The following CAMK4 variants were observed in gnomAD, a reference collection of about 807,000 sequenced individuals.
CAMK4 encodes calcium/calmodulin-dependent protein kinase type IV.
Under a neutral mutation model 44.9 loss-of-function variants are expected in CAMK4, and 22 were observed. That is an observed-to-expected ratio of 0.49 (90% CI 0.35 to 0.70). The LOEUF (loss-of-function observed/expected upper bound fraction) is 0.70, where lower values mean the gene tolerates loss of function less well. Ranked by LOEUF, CAMK4 falls within the 30% of genes least tolerant of loss-of-function variation. CAMK4 has a pLI of 0.01. For synonymous variants in CAMK4, 218 were observed against 215.4 expected (o/e 1.01, Z -0.11); for missense variants, 498 against 586.8 (o/e 0.85, Z 1.56).
intron 4 of CAMK4, among the ~76,000 whole-genome samples, chr5:111,386,488 C>A (rs886555564): frequency 1.3e-5 from 2 of 152,154 alleles, no homozygotes; most frequent in African/African-American, 4.8e-5. Flanking sequence ...AAGTCTGGGG[C>A]CTCAGGATAT....
At chr5:111,450,865 A>C (rs973097712) in intron 7 of CAMK4, among the ~76,000 whole-genome samples, 12 of 152,002 alleles carry the variant, frequency 7.9e-5, no homozygotes, top group Admixed American at 2.0e-4. Context: ...GTATGTATCG[A>C]AAGCCACCAT....
chr5:111,277,061 G>A (rs866399498), intron 1 of CAMK4, among the ~76,000 whole-genome samples: 7 of 152,136 alleles, frequency 4.6e-5, no homozygotes, highest in Non-Finnish European at 1.0e-4. Context: ...TTCTCAGGAG[G>A]TGTGTCCACA....
intron 5 of CAMK4, among the ~76,000 whole-genome samples, chr5:111,397,693 T>TGTGTGTGTGTGTG (rs1580699606): frequency 9.2e-6 from 1 of 109,242 alleles, no homozygotes; most frequent in Non-Finnish European, 1.9e-5. Context: ...GTGTGTGTGT[T>TGTGTGTGTGTGTG]TGCAGTTTAC....
At chr5:111,333,276 T>A (rs141263105) in intron 1 of CAMK4, among the ~76,000 whole-genome samples, 265 of 151,628 alleles carry the variant, frequency 1.7e-3, no homozygotes, top group African/African-American at 6.1e-3. Flanking sequence ...AAATGGTTGA[T>A]CAAAAATTCA....
chr5:111,232,192 C>T (rs1257736667), intron 1 of CAMK4, among the ~76,000 whole-genome samples: 1 of 152,048 alleles, frequency 6.6e-6, no homozygotes, highest in African/African-American at 2.4e-5. Context: ...CATGATAAAT[C>T]AATATTTGGC....
In CAMK4 at chr5:111,287,081, T is replaced by G. The variant is rs964166464; in HGVS notation, c.162-56943T>G. 5.3e-5 allele frequency among the ~76,000 whole-genome samples: 8 copies of G among 152,206 alleles called. 1 individual carries two copies. The highest frequency in any genetic ancestry group is 4.1e-4 in the South Asian group (2 of 4,826). On this transcript the variant is annotated intron_variant, in intron 1 of 10. Transcript: ENST00000282356. The stretch of plus-strand genomic sequence containing the variant: ...GCTGATTGGTGGAAATACTAGTATC[T>G]TTTCATAAGAATGGCCTTACTGAAA...
intron 7 of CAMK4, among the ~76,000 whole-genome samples, chr5:111,462,133 T>C (rs987969618): frequency 6.6e-6 from 1 of 152,198 alleles, no homozygotes; most frequent in Non-Finnish European, 1.5e-5. Flanking sequence ...ACAGGGTCTT[T>C]GCATAACTTT....
chr5:111,470,280 C>T (rs937297857), intron 7 of CAMK4, among the ~76,000 whole-genome samples: 2 of 152,188 alleles, frequency 1.3e-5, no homozygotes, highest in Non-Finnish European at 2.9e-5. Flanking sequence ...ATCAGCCATG[C>T]ATGTTTCTTA....
intron 5 of CAMK4, among the ~76,000 whole-genome samples, chr5:111,397,064 C>A (rs116009835): frequency 6.6e-6 from 1 of 152,196 alleles, no homozygotes; most frequent in South Asian, 2.1e-4. Context: ...TTTAAAACCT[C>A]ATTTCTTGTT....
chr5:111,319,654 G>T (rs1297782224), intron 1 of CAMK4, among the ~76,000 whole-genome samples: 2 of 152,078 alleles, frequency 1.3e-5, no homozygotes, highest in Non-Finnish European at 2.9e-5. Flanking sequence ...AAATGAGTGA[G>T]AAGATACATT....
At chr5:111,232,321 A>G (rs772643514) in intron 1 of CAMK4, among the ~76,000 whole-genome samples, 12 of 152,326 alleles carry the variant, frequency 7.9e-5, no homozygotes, top group Middle Eastern at 3.4e-3. Context: ...AGCCATCTTC[A>G]TGACAGAGTT....
chr5:111,369,464 T>A (rs1314975091), intron 2 of CAMK4, among the ~76,000 whole-genome samples: 1 of 152,174 alleles, frequency 6.6e-6, no homozygotes, highest in Non-Finnish European at 1.5e-5. Context: ...AAAATTACAA[T>A]AAACCCATTA....
intron 1 of CAMK4, among the ~76,000 whole-genome samples, chr5:111,330,784 A>G (rs1749134363): frequency 6.6e-6 from 1 of 151,722 alleles, no homozygotes; most frequent in African/African-American, 2.4e-5. Flanking sequence ...GCGTTGGCAT[A>G]ACAATAGAGA....
chr5:111,479,709 C>T (rs184448535), intron 9 of CAMK4, among the ~76,000 whole-genome samples: 98 of 152,282 alleles, frequency 6.4e-4, no homozygotes, highest in Middle Eastern at 3.4e-3. Context: ...TCCTTACCCT[C>T]TGTGTTCCTT....
intron 1 of CAMK4, among the ~76,000 whole-genome samples, chr5:111,268,033 C>T (rs1750341107): frequency 6.6e-6 from 1 of 152,246 alleles, no homozygotes; most frequent in Admixed American, 6.5e-5. Context: ...TTGGGAGTTC[C>T]ACTCAACAGG....
intron 1 of CAMK4, among the ~76,000 whole-genome samples, chr5:111,227,801 GA>G (rs1748269416): frequency 6.6e-6 from 1 of 152,214 alleles, no homozygotes; most frequent in Non-Finnish European, 1.5e-5. Context: ...CACATTTGAA[GA>G]CACTGTTTTG....
chr5:111,476,269 GTTT>G (rs1561511269), intron 8 of CAMK4, among the ~76,000 whole-genome samples: 3 of 130,736 alleles, frequency 2.3e-5, no homozygotes, highest in African/African-American at 6.0e-5. Context: ...GTGTGTGTGT[GTTT>G]GTGTGTGTGT....
chr5:111,443,358 A>G (rs569870964), intron 5 of CAMK4, among the ~76,000 whole-genome samples: 179 of 140,208 alleles, frequency 1.3e-3, no homozygotes, highest in African/African-American at 4.7e-3. Context: ...CTATATATAT[A>G]GTATATATAT....
intron 1 of CAMK4, among the ~76,000 whole-genome samples, chr5:111,343,139 A>G (rs1429966927): frequency 1.3e-5 from 2 of 151,750 alleles, no homozygotes; most frequent in African/African-American, 4.8e-5. Context: ...ATTTGCATTT[A>G]CAACACACCA....
Sources: gnomAD v4.1 joint callset for allele counts (sites outside exome capture counted in the v4.1 genomes callset) on GRCh38, gnomAD v4.1.1 for gene constraint, MANE v1.5 for transcripts, NCBI Gene and HGNC (gene_info 2026-07-23, HGNC 2026-07-21) for gene names.